The following ASPH variants were observed in gnomAD, a reference collection of about 807,000 sequenced individuals.
The protein encoded by ASPH is aspartate beta-hydroxylase, also known as aspartyl/asparaginyl beta-hydroxylase.
In ASPH, 100 loss-of-function variants were observed where a neutral mutation model predicts 118.4. That is an observed-to-expected ratio of 0.84 (90% CI 0.72 to 1.00). The LOEUF (loss-of-function observed/expected upper bound fraction) is 1.00, where lower values mean the gene tolerates loss of function less well. Among genes scored for constraint, ASPH ranks in the 50% least tolerant of loss-of-function variants. ASPH has a pLI of 0.00. For synonymous variants in ASPH, 315 were observed against 325.6 expected (o/e 0.97, Z 0.35); for missense variants, 920 against 919.5 (o/e 1.00, Z -0.01).
At chr8:61,679,924 A>C (rs2151597842) in intron 3 of ASPH, among the ~76,000 whole-genome samples, 1 of 148,034 alleles carries the variant, frequency 6.8e-6, no homozygotes, top group South Asian at 2.1e-4. Context: ...ACAAACACTA[A>C]TTCCCAATGG....
In ASPH at chr8:61,643,447, A is replaced by G; in HGVS notation, c.710-14T>C. 3 of 1,601,608 alleles carry G rather than the reference A, an allele frequency of 1.9e-6. No homozygotes were observed. The highest frequency in any genetic ancestry group is 2.5e-6 in the Non-Finnish European group (3 of 1,179,368). ...GTTCACTGGAATCTAAAAAACAAAA[A>G]CACACCTTTGCCAAACAGGAAAAAA... On this transcript the variant is annotated splice_polypyrimidine_tract_variant and intron_variant, in intron 8 of 24. Transcript: ENST00000379454.
intron 18 of ASPH, among the ~76,000 whole-genome samples, chr8:61,560,299 C>A (rs923394469): frequency 7.2e-5 from 11 of 152,124 alleles, no homozygotes; most frequent in Non-Finnish European, 1.5e-5. Context: ...CCGCAAAAAG[C>A]CACAGACTGG....
chr8:61,518,806 T>C (rs1811864869), intron 22 of ASPH, among the ~76,000 whole-genome samples: 1 of 152,250 alleles, frequency 6.6e-6, no homozygotes, highest in East Asian at 1.9e-4. Context: ...TGTAGGGTCA[T>C]GACTTTTCTC....
chr8:61,610,181 T>A (rs1294947599), intron 14 of ASPH, among the ~76,000 whole-genome samples: 1 of 152,234 alleles, frequency 6.6e-6, no homozygotes, highest in Non-Finnish European at 1.5e-5. Flanking sequence ...GAGTGCTCCA[T>A]GGGCAGCATT....
At chr8:61,579,526 G>A (rs1337640984) in intron 15 of ASPH, 2 of 1,557,806 alleles carry the variant, frequency 1.3e-6, no homozygotes, top group African/African-American at 2.7e-5. Context: ...CCCGGCCTCA[G>A]CTACGGCCTG....
At chr8:61,612,337 C>A (rs1847662664) in intron 14 of ASPH, among the ~76,000 whole-genome samples, 1 of 148,508 alleles carries the variant, frequency 6.7e-6, no homozygotes, top group African/African-American at 2.5e-5. Context: ...ATAAAGCATG[C>A]AATCCAATGG....
At chr8:61,556,150 C>A (rs928968915) in intron 18 of ASPH, 128 bp from the exon 19 acceptor site, 3 of 718,150 alleles carry the variant, frequency 4.2e-6, no homozygotes, top group Non-Finnish European at 6.9e-6. Context: ...TATGATGTTA[C>A]AGCTGAAAAC....
intron 14 of ASPH, among the ~76,000 whole-genome samples, chr8:61,607,487 C>T (rs990078580): frequency 1.8e-4 from 27 of 152,056 alleles, no homozygotes; most frequent in Admixed American, 4.6e-4. Context: ...GTTTAGAATT[C>T]GCAACATAAA....
In ASPH at chr8:61,678,502, T is replaced by C. The variant is rs78997335; in HGVS notation, c.322+2466A>G. ...ACCAAATAATAAAATTAATGATGGTTAGGGGTCTTGATTTACTCACATATA... is the reference window on the plus strand; with the variant it reads ...ACCAAATAATAAAATTAATGATGGTCAGGGGTCTTGATTTACTCACATATA... On this transcript the variant is annotated intron_variant, in intron 3 of 24. Transcript: ENST00000379454. Among the ~76,000 whole-genome samples, 776 of 152,194 alleles carry C rather than the reference T, an allele frequency of 5.1e-3. 9 individuals are homozygous for C. Among genetic ancestry groups the C allele is most frequent in the African/African-American group, 0.018 (737 of 41,536 alleles).
At position 61,596,868 on chromosome 8, in the gene ASPH, C is replaced by T. The variant is rs546921258; in HGVS notation, c.977-12839G>A. On this transcript the variant is annotated intron_variant, in intron 14 of 24. Coordinates refer to ENST00000379454, the MANE Select transcript of ASPH (RefSeq NM_004318.4). ...AGAAGACATGACACTTCCAAGGGAA[C>T]GCAATAATTTTCCAGCAACAGCTTC... is the stretch of plus-strand genomic sequence containing the variant. 4.2e-4 allele frequency among the ~76,000 whole-genome samples: 64 copies of T among 152,064 alleles called. 2 individuals are homozygous for T. The highest frequency in any genetic ancestry group is 1.3e-3 in the African/African-American group (53 of 41,492).
chr8:61,519,132 T>G (rs1812012628), intron 22 of ASPH, among the ~76,000 whole-genome samples: 1 of 152,214 alleles, frequency 6.6e-6, no homozygotes, highest in African/African-American at 2.4e-5. Flanking sequence ...ACACTGCATC[T>G]TCATGTTTGT....
chr8:61,670,944 G>T (rs1159325186), intron 3 of ASPH, among the ~76,000 whole-genome samples: 1 of 152,042 alleles, frequency 6.6e-6, no homozygotes, highest in East Asian at 1.9e-4. Flanking sequence ...GAAGGTTGTG[G>T]AAAAGTTTAG....
At chr8:61,584,987 G>GCAC (rs1838919333) in intron 14 of ASPH, among the ~76,000 whole-genome samples, 1 of 152,174 alleles carries the variant, frequency 6.6e-6, no homozygotes, top group Admixed American at 6.5e-5. Context: ...TAAGTCCACT[G>GCAC]CACCCTGCGT....
chr8:61,548,847 G>T (rs748761026), intron 20 of ASPH, among the ~76,000 whole-genome samples: 4 of 152,098 alleles, frequency 2.6e-5, no homozygotes. Flanking sequence ...TGCCATAAGG[G>T]ATAACATGTG....
At chr8:61,560,044 G>A (rs1310591585) in intron 18 of ASPH, among the ~76,000 whole-genome samples, 1 of 152,216 alleles carries the variant, frequency 6.6e-6, no homozygotes, top group African/African-American at 2.4e-5. Flanking sequence ...TTAATCAGAA[G>A]TTAAAATGAA....
intron 7 of ASPH, 100 bp from the exon 8 acceptor site, chr8:61,644,101 A>C: frequency 1.1e-6 from 1 of 908,752 alleles, no homozygotes. Context: ...ATTGAAATGC[A>C]AAATCAAGTC....
chr8:61,507,624 G>T lies in ASPH; in HGVS notation c.2127-4115C>A, dbSNP rs186091828. 9.1e-4 allele frequency among the ~76,000 whole-genome samples: 135 copies of T among 149,016 alleles called. 1 individual carries two copies. The highest frequency in any genetic ancestry group is 3.4e-3 in the Middle Eastern group (1 of 292). On this transcript the variant is annotated intron_variant, in intron 24 of 24. Transcript: ENST00000379454. ...CCATGTCCAGACTTAAGTGACTCCA[G>T]GTTAAATTCGAGATGTATCACATGC...
intron 18 of ASPH, among the ~76,000 whole-genome samples, chr8:61,560,940 G>T (rs1829585042): frequency 6.6e-6 from 1 of 151,640 alleles, no homozygotes; most frequent in South Asian, 2.1e-4. Flanking sequence ...AGGAGGAAAG[G>T]GTGCAGGAAG....
intron 18 of ASPH, among the ~76,000 whole-genome samples, chr8:61,557,477 T>G (rs1002914719): frequency 6.6e-6 from 1 of 152,246 alleles, no homozygotes; most frequent in East Asian, 1.9e-4. Context: ...GCAAGCTCCC[T>G]TACCTCCGTG....
Sources: gnomAD v4.1 joint callset for allele counts (sites outside exome capture counted in the v4.1 genomes callset) on GRCh38, gnomAD v4.1.1 for gene constraint, MANE v1.5 for transcripts, NCBI Gene and HGNC (gene_info 2026-07-23, HGNC 2026-07-21) for gene names.